SRPK2: variants seen among roughly 807,000 people sequenced by gnomAD.
SRPK2 encodes SRSF protein kinase 2, also known as SFRS protein kinase 2.
Under a neutral mutation model 90.8 loss-of-function variants are expected in SRPK2, and 21 were observed. The observed-to-expected ratio is 0.23, with a 90% confidence interval of 0.16 to 0.33. The LOEUF (loss-of-function observed/expected upper bound fraction) is 0.33. Among genes scored for constraint, SRPK2 ranks in the 10% least tolerant of loss-of-function variants. The probability of loss-of-function intolerance (pLI) is 1.00; values close to 1 mark genes in which losing one functional copy is unlikely to be tolerated. For missense variants in SRPK2, 620 were observed against 869.0 expected, an observed-to-expected ratio of 0.71 and a Z score of 3.60; for synonymous variants, 288 against 311.1, an observed-to-expected ratio of 0.93 and a Z score of 0.78.
intron 2 of SRPK2, among the ~76,000 whole-genome samples, chr7:105,312,773 A>C (rs1365123785): frequency 6.6e-6 from 1 of 152,054 alleles, no homozygotes; most frequent in Non-Finnish European, 1.5e-5. Context: ...CACAAACTCA[A>C]CCTGAAGTAT....
intron 2 of SRPK2, among the ~76,000 whole-genome samples, chr7:105,357,395 T>C (rs543536536): frequency 9.8e-5 from 15 of 152,326 alleles, no homozygotes; most frequent in South Asian, 8.3e-4. Flanking sequence ...TCATCATGTC[T>C]TAGTCTCCTC....
chr7:105,334,313 C>T (rs1003385298), intron 2 of SRPK2, among the ~76,000 whole-genome samples: 1 of 152,112 alleles, frequency 6.6e-6, no homozygotes, highest in Non-Finnish European at 1.5e-5. Context: ...CTCTTGACCT[C>T]GTGATCCACC....
intron 2 of SRPK2, among the ~76,000 whole-genome samples, chr7:105,318,861 G>C (rs559595021): frequency 1.3e-5 from 2 of 152,138 alleles, no homozygotes; most frequent in African/African-American, 2.4e-5. Context: ...TAATAGCAGC[G>C]AGGTATCAGT....
At chr7:105,287,154 G>A (rs1309421539) in intron 2 of SRPK2, among the ~76,000 whole-genome samples, 1 of 149,128 alleles carries the variant, frequency 6.7e-6, no homozygotes, top group Non-Finnish European at 1.5e-5. Flanking sequence ...CCAGCTACTT[G>A]GGAGGCTGAG....
chr7:105,143,041 G>A (rs1804026121), intron 10 of SRPK2, 43 bp downstream of exon 10: 2 of 1,597,006 alleles, frequency 1.3e-6, no homozygotes, highest in Non-Finnish European at 1.7e-6. Context: ...TACTAATGGA[G>A]CTCTGAGAAC....
At chr7:105,344,625 A>G (rs1203039024) in intron 2 of SRPK2, among the ~76,000 whole-genome samples, 1 of 151,922 alleles carries the variant, frequency 6.6e-6, no homozygotes, top group Non-Finnish European at 1.5e-5. Context: ...AGCCATACAA[A>G]CACACATGAC....
At chr7:105,149,437 G>A (rs1202934071) in intron 7 of SRPK2, among the ~76,000 whole-genome samples, 1 of 152,024 alleles carries the variant, frequency 6.6e-6, no homozygotes, top group Non-Finnish European at 1.5e-5. Flanking sequence ...TTATCACCCT[G>A]CCCTCCTACT....
chr7:105,281,657 T>C (rs1807354622), intron 2 of SRPK2, among the ~76,000 whole-genome samples: 1 of 147,246 alleles, frequency 6.8e-6, no homozygotes, highest in African/African-American at 2.6e-5. Context: ...ACTGAGACCC[T>C]GTTGCTAAGG....
intron 2 of SRPK2, chr7:105,244,888 C>T: frequency 1.4e-6 from 2 of 1,388,078 alleles, no homozygotes; most frequent in South Asian, 1.2e-5. Flanking sequence ...AGGGTGTGGG[C>T]GCACATCCGC....
chr7:105,349,738 C>T (rs895912510), intron 2 of SRPK2, among the ~76,000 whole-genome samples: 3 of 152,004 alleles, frequency 2.0e-5, no homozygotes, highest in African/African-American at 7.2e-5. Context: ...ATTTATTGAA[C>T]GGTGCCTGTC....
chr7:105,282,001 C>A (rs1348887330), intron 2 of SRPK2, among the ~76,000 whole-genome samples: 4 of 151,942 alleles, frequency 2.6e-5, no homozygotes, highest in Non-Finnish European at 5.9e-5. Flanking sequence ...AATGAATAGC[C>A]AAAACAATCT....
intron 2 of SRPK2, among the ~76,000 whole-genome samples, chr7:105,258,423 A>G (rs1249527500): frequency 2.6e-5 from 4 of 150,996 alleles, no homozygotes; most frequent in Admixed American, 2.6e-4. Flanking sequence ...GTCTCAAAAA[A>G]AAAAAAAAAA....
chr7:105,322,995 T>G (rs1813113545), intron 2 of SRPK2, among the ~76,000 whole-genome samples: 1 of 152,098 alleles, frequency 6.6e-6, no homozygotes, highest in East Asian at 1.9e-4. Flanking sequence ...GGCCAGGAGT[T>G]GGAGACCAGC....
chr7:105,396,794 GAGAA>G (rs1333658337), intron 1 of SRPK2, among the ~76,000 whole-genome samples: 5 of 111,188 alleles, frequency 4.5e-5, no homozygotes, highest in African/African-American at 1.2e-4. Context: ...AAGAAAGAAA[GAGAA>G]AGAGAAAGAA....
intron 2 of SRPK2, among the ~76,000 whole-genome samples, chr7:105,325,987 C>T (rs111683258): frequency 0.019 from 2,961 of 152,334 alleles, 101 homozygotes; most frequent in African/African-American, 0.066. Flanking sequence ...ATAGCCTTGG[C>T]TACCGGTCCC....
At chr7:105,206,471 C>A (rs535550415) in intron 2 of SRPK2, 91 of 156,690 alleles carry the variant, frequency 5.8e-4, no homozygotes, top group Non-Finnish European at 1.1e-3. Flanking sequence ...AGGCACTTCT[C>A]ATTCCTCCAG....
chr7:105,174,922 T>G (rs2129592622), intron 3 of SRPK2, among the ~76,000 whole-genome samples: 1 of 152,180 alleles, frequency 6.6e-6, no homozygotes, highest in Admixed American at 6.5e-5. Flanking sequence ...GGCAGGTGGA[T>G]CACCTGAAGT....
At chr7:105,341,400 G>A (rs187945690) in intron 2 of SRPK2, among the ~76,000 whole-genome samples, 3 of 142,650 alleles carry the variant, frequency 2.1e-5, no homozygotes, top group East Asian at 2.2e-4. Context: ...GTGGCAGGAC[G>A]CATACCTCAT....
At chr7:105,159,448 C>CAAAAAAAAAAAAAAAAACAA (rs1807106293) in intron 7 of SRPK2, among the ~76,000 whole-genome samples, 1 of 33,144 alleles carries the variant, frequency 3.0e-5, no homozygotes, top group Non-Finnish European at 6.3e-5. Context: ...ACTCCGTCTC[C>CAAAAAAAAAAAAAAAAACAA]AAAAAAAAAA....
Sources: allele counts gnomAD v4.1 joint callset (sites outside exome capture counted in the v4.1 genomes callset), GRCh38; gene constraint gnomAD v4.1.1; transcripts MANE v1.5; gene names NCBI Gene and HGNC (gene_info 2026-07-23, HGNC 2026-07-21).